Variants in PTPRM observed in about 807,000 individuals in gnomAD.
PTPRM encodes protein tyrosine phosphatase receptor type M, also known as receptor-type tyrosine-protein phosphatase mu.
A neutral mutation model predicts 186.7 loss-of-function variants in PTPRM; 47 were observed. The observed-to-expected ratio is 0.25, with a 90% CI of 0.20 to 0.32. The LOEUF is 0.32. Among genes scored for constraint, PTPRM ranks in the 10% least tolerant of loss-of-function variants. The pLI is 1.00. For missense variants in PTPRM, 1,494 were observed against 1,865.0 expected (o/e 0.80, Z 3.66); for synonymous variants, 668 against 674.9 (o/e 0.99, Z 0.16).
At position 8,273,126 on chromosome 18, in the gene PTPRM, G is replaced by T. The variant is rs1362164631; in HGVS notation, c.2754+19712G>T. On this transcript the variant is annotated intron_variant, in intron 19 of 32. Coordinates refer to ENST00000580170, the MANE Select transcript of PTPRM (RefSeq NM_001105244.2). Reference sequence around the variant, plus strand: ...AGCTAGATTTTAGTATTTCAATCAAGTCTCACAGCTTTTACCTTTAAATTC... The same window carrying T: ...AGCTAGATTTTAGTATTTCAATCAATTCTCACAGCTTTTACCTTTAAATTC... Among the ~76,000 whole-genome samples the T allele has an allele frequency of 1.3e-5, 2 of 152,082 alleles. 1 individual carries two copies. The highest frequency in any genetic ancestry group is 4.8e-5 in the African/African-American group (2 of 41,408).
chr18:8,177,771 G>A (rs1324745446), intron 14 of PTPRM, among the ~76,000 whole-genome samples: 2 of 152,188 alleles, frequency 1.3e-5, no homozygotes, highest in African/African-American at 4.8e-5. Flanking sequence ...GGCCAAGTAG[G>A]CAACTTGAGA....
intron 4 of PTPRM, among the ~76,000 whole-genome samples, chr18:7,921,337 G>A (rs1195978563): frequency 1.3e-5 from 2 of 148,586 alleles, no homozygotes; most frequent in Non-Finnish European, 3.0e-5. Context: ...TTCACTGATT[G>A]TTTCCTCTGC....
At chr18:8,131,634 G>C (rs2092510774) in intron 13 of PTPRM, among the ~76,000 whole-genome samples, 1 of 152,156 alleles carries the variant, frequency 6.6e-6, no homozygotes, top group Non-Finnish European at 1.5e-5. Flanking sequence ...CAGTTCTCAA[G>C]AGAGCATGAG....
At chr18:8,180,567 A>AT (rs2093558460) in intron 14 of PTPRM, among the ~76,000 whole-genome samples, 1 of 152,084 alleles carries the variant, frequency 6.6e-6, no homozygotes, top group South Asian at 2.1e-4. Flanking sequence ...CTTCTCCCTG[A>AT]TTCTTCCCTT....
intron 23 of PTPRM, among the ~76,000 whole-genome samples, chr18:8,353,230 G>A (rs1441265767): frequency 2.6e-5 from 4 of 152,200 alleles, no homozygotes; most frequent in African/African-American, 4.8e-5. Flanking sequence ...GAAGCTAACT[G>A]CAGGCTTGTT....
chr18:7,740,321 G>A (rs1369426201), intron 1 of PTPRM, among the ~76,000 whole-genome samples: 2 of 152,188 alleles, frequency 1.3e-5, no homozygotes, highest in Non-Finnish European at 2.9e-5. Flanking sequence ...TAAGTAAAGA[G>A]TTTATTGGGG....
intron 19 of PTPRM, among the ~76,000 whole-genome samples, chr18:8,279,199 G>GGTCT (rs1180158836): frequency 6.6e-6 from 1 of 152,036 alleles, no homozygotes; most frequent in Non-Finnish European, 1.5e-5. Flanking sequence ...GTCTAAATAT[G>GGTCT]AGCATTGTGA....
At chr18:7,826,367 G>A (rs186297196) in intron 2 of PTPRM, among the ~76,000 whole-genome samples, 136 of 152,280 alleles carry the variant, frequency 8.9e-4, no homozygotes, top group African/African-American at 2.9e-3. Flanking sequence ...TGCTCTTCCC[G>A]TACAGCAAGC....
At chr18:8,372,207 G>A (rs986966316) in intron 24 of PTPRM, among the ~76,000 whole-genome samples, 1 of 147,356 alleles carries the variant, frequency 6.8e-6, no homozygotes, top group Non-Finnish European at 1.5e-5. Context: ...GAGTAGCTGG[G>A]ACTACAGGCG....
At chr18:7,909,305 C>T (rs757570234) in intron 4 of PTPRM, among the ~76,000 whole-genome samples, 9 of 152,294 alleles carry the variant, frequency 5.9e-5, no homozygotes, top group African/African-American at 2.2e-4. Context: ...ATCTTCTCTC[C>T]TTTGGAGAAT....
chr18:7,986,841 T>G (rs1293603005), intron 7 of PTPRM, among the ~76,000 whole-genome samples: 1 of 152,148 alleles, frequency 6.6e-6, no homozygotes, highest in African/African-American at 2.4e-5. Flanking sequence ...AAGAGGATAA[T>G]TAACTTAAAA....
chr18:7,827,817 G>A (rs551814996), intron 2 of PTPRM, among the ~76,000 whole-genome samples: 1 of 152,342 alleles, frequency 6.6e-6, no homozygotes, highest in East Asian at 1.9e-4. Context: ...GTCCATGATT[G>A]TCAGGAGGCA....
chr18:8,024,029 A>G (rs962033640), intron 7 of PTPRM, among the ~76,000 whole-genome samples: 12 of 152,158 alleles, frequency 7.9e-5, no homozygotes, highest in Admixed American at 6.6e-4. Flanking sequence ...GGCTACATGT[A>G]TGCCTTTAGG....
Position 7,950,468 on chromosome 18 carries a change from C to G in PTPRM, c.838+1113C>G, listed in dbSNP as rs115164759. 5.4e-3 allele frequency among the ~76,000 whole-genome samples: 817 copies of G among 152,270 alleles called. 9 individuals carry two copies. Among genetic ancestry groups the G allele is most frequent in the African/African-American group, 0.019 (784 of 41,542 alleles). On this transcript the variant is annotated intron_variant, in intron 6 of 32. Transcript: ENST00000580170. ...CAATAGCTTTTATCTGCACATTTCT[C>G]AAGATAGGCAGCTTTAAAGATTGCT...
intron 14 of PTPRM, among the ~76,000 whole-genome samples, chr18:8,169,291 A>T (rs2093364661): frequency 6.6e-6 from 1 of 152,106 alleles, no homozygotes; most frequent in Non-Finnish European, 1.5e-5. Context: ...GACACATGTT[A>T]ACAAATGGCT....
At chr18:8,021,355 CACACAT>C (rs1371231917) in intron 7 of PTPRM, among the ~76,000 whole-genome samples, 23 of 128,260 alleles carry the variant, frequency 1.8e-4, no homozygotes, top group East Asian at 1.1e-3. Context: ...CACACACACA[CACACAT>C]ATAAATTTTA....
intron 14 of PTPRM, among the ~76,000 whole-genome samples, chr18:8,203,751 A>AAC (rs956258998): frequency 2.6e-5 from 4 of 152,104 alleles, no homozygotes; most frequent in East Asian, 1.9e-4. Flanking sequence ...TGAGAAAGTA[A>AAC]ACACACACAC....
chr18:8,156,342 T>C (rs2093121578), intron 14 of PTPRM, among the ~76,000 whole-genome samples: 1 of 152,192 alleles, frequency 6.6e-6, no homozygotes. Flanking sequence ...ATAAGAGTCA[T>C]GGCTTTAGAA....
chr18:8,225,076 A>G (rs113541571), intron 14 of PTPRM, among the ~76,000 whole-genome samples: 3 of 152,184 alleles, frequency 2.0e-5, no homozygotes, highest in Non-Finnish European at 4.4e-5. Context: ...TTATTTTATT[A>G]GGGATTTCAA....
Sources: gnomAD v4.1 joint callset for allele counts (sites outside exome capture counted in the v4.1 genomes callset) on GRCh38, gnomAD v4.1.1 for gene constraint, MANE v1.5 for transcripts, NCBI Gene and HGNC (gene_info 2026-07-23, HGNC 2026-07-21) for gene names.